MARVELD2: variants seen among roughly 807,000 people sequenced by gnomAD.
MARVELD2 encodes the protein MARVEL domain-containing protein 2.
Under a neutral mutation model 57.6 loss-of-function variants are expected in MARVELD2, and 49 were observed. The observed-to-expected ratio is 0.85, with a 90% CI of 0.68 to 1.08. MARVELD2 has a LOEUF of 1.08. Among genes scored for constraint, MARVELD2 ranks in the 50% least tolerant of loss-of-function variants. The pLI is 0.00. For synonymous variants in MARVELD2, 238 were observed against 258.8 expected (o/e 0.92, Z 0.77); for missense variants, 606 against 701.1 (o/e 0.86, Z 1.53).
Position 69,419,464 on chromosome 5 carries a change from A to C in MARVELD2, c.79A>C (p.Thr27Pro). Residue 27 changes from threonine to proline, a missense_variant, in exon 2 of 7, where the codon ACC becomes CCC. Thr to Pro is a conservative substitution (Grantham distance 38). Coordinates refer to ENST00000325631, the MANE Select transcript of MARVELD2 (RefSeq NM_001038603.3). ...AAGCGACCTGCCCTATCAAGATACC[A>C]CCATAAGAACCCACCCAACTCTTCA... ...VPSDLPYQDTTIRTHPTLHDS... is the reference protein window; with the variant it reads ...VPSDLPYQDTPIRTHPTLHDS... 1 of 1,614,160 alleles carries C rather than the reference A, an allele frequency of 6.2e-7. No homozygotes were observed. The highest frequency in any genetic ancestry group is 8.5e-7 in the Non-Finnish European group (1 of 1,180,026).
intron 5 of MARVELD2, among the ~76,000 whole-genome samples, chr5:69,436,419 A>G (rs1274902176): frequency 7.6e-6 from 1 of 131,442 alleles, no homozygotes; most frequent in Non-Finnish European, 1.6e-5. Flanking sequence ...ACACACACAC[A>G]CACACACACA....
intron 3 of MARVELD2, among the ~76,000 whole-genome samples, chr5:69,426,935 G>A (rs1766811170): frequency 6.6e-6 from 1 of 151,754 alleles, no homozygotes; most frequent in South Asian, 2.1e-4. Context: ...TGGGATTACA[G>A]GTGTGAGCCA....
At chr5:69,435,967 A>C (rs2150930066) in intron 5 of MARVELD2, among the ~76,000 whole-genome samples, 1 of 152,152 alleles carries the variant, frequency 6.6e-6, no homozygotes, top group Non-Finnish European at 1.5e-5. Flanking sequence ...AAGTCAATAC[A>C]TATTCCTTTT....
intron 2 of MARVELD2, among the ~76,000 whole-genome samples, chr5:69,421,844 GT>G (rs1766638774): frequency 6.7e-6 from 1 of 149,048 alleles, no homozygotes; most frequent in South Asian, 2.1e-4. Context: ...CCAGAGTGCA[GT>G]GGCACTGTTG....
At chr5:69,438,949 C>G (rs1561303749) in intron 5 of MARVELD2, among the ~76,000 whole-genome samples, 1 of 150,532 alleles carries the variant, frequency 6.6e-6, no homozygotes, top group African/African-American at 2.4e-5. Flanking sequence ...CCGTATAATC[C>G]CAGCTACTTG....
rs1381728810 is a variant in MARVELD2, at chr5:69,444,172, TGTG to T, written c.*2521_*2523del. ...TGCAGTAACACTGATTTGTAAATGT[TGTG>T]GTCAATCCCTAGGTGCATTAAAGTT... On this transcript the variant is annotated 3_prime_UTR_variant, in exon 7 of 7. Transcript: ENST00000325631. 3 of 152,106 alleles carry T rather than the reference TGTG, an allele frequency of 2.0e-5. No individual in the cohort carries two copies. Among genetic ancestry groups the T allele is most frequent in the Admixed American group, 2.0e-4 (3 of 15,230 alleles). The allele number at this position is 152,106 out of a possible 1,614,324, so 9.4% of individuals were successfully genotyped here.
intron 3 of MARVELD2, among the ~76,000 whole-genome samples, chr5:69,431,844 T>C (rs1766973414): frequency 1.4e-5 from 2 of 143,782 alleles, no homozygotes; most frequent in Non-Finnish European, 3.0e-5. Flanking sequence ...TTTTTTTTTT[T>C]TTTTTTTTTT....
chr5:69,416,887 G>C (rs182243290), intron 1 of MARVELD2, among the ~76,000 whole-genome samples: 5 of 152,286 alleles, frequency 3.3e-5, no homozygotes, highest in Non-Finnish European at 4.4e-5. Flanking sequence ...TAGTGATACT[G>C]TTAAAACAAG....
chr5:69,441,441 T>C, intron 6 of MARVELD2, 91 bp from the exon 7 acceptor site: 3 of 1,464,480 alleles, frequency 2.0e-6, no homozygotes, highest in Non-Finnish European at 1.9e-6. Context: ...ACTTTTGCTA[T>C]GTATGATCAT....
chr5:69,418,283 C>A (rs189034463), intron 1 of MARVELD2, among the ~76,000 whole-genome samples: 108 of 152,222 alleles, frequency 7.1e-4, no homozygotes, highest in African/African-American at 2.2e-3. Flanking sequence ...TACTTATAAA[C>A]AATTCGAGAG....
chr5:69,434,958 G>T (rs1436097733), intron 5 of MARVELD2, among the ~76,000 whole-genome samples: 1 of 150,804 alleles, frequency 6.6e-6, no homozygotes, highest in Non-Finnish European at 1.5e-5. Context: ...CTCCCAAAGT[G>T]CTGGGATTAC....
intron 3 of MARVELD2, among the ~76,000 whole-genome samples, chr5:69,432,016 A>G (rs1406392910): frequency 7.1e-6 from 1 of 141,640 alleles, no homozygotes; most frequent in Non-Finnish European, 1.5e-5. Flanking sequence ...CATCTGCCAG[A>G]TTTTTTTTTT....
intron 3 of MARVELD2, among the ~76,000 whole-genome samples, chr5:69,430,366 C>T (rs1353124737): frequency 1.3e-5 from 2 of 151,858 alleles, no homozygotes; most frequent in Non-Finnish European, 2.9e-5. Flanking sequence ...GACTCTGTCT[C>T]AAGAAAAAAT....
rs993561105 is a variant in MARVELD2 at position 69,432,596 on chromosome 5, A to G, written c.1252A>G (p.Lys418Glu). 2 of 1,614,098 alleles carry G rather than the reference A, an allele frequency of 1.2e-6. No homozygotes were observed. Among genetic ancestry groups the G allele is most frequent in the African/African-American group, 1.3e-5 (1 of 74,938 alleles). The change falls in exon 4 of 7, where the codon AAA becomes GAA. Residue 418 changes from lysine to glutamate, a missense_variant. Coordinates refer to ENST00000325631, the MANE Select transcript of MARVELD2 (RefSeq NM_001038603.3). Reference sequence around the variant, plus strand: ...TAATTTCAAGGAACTGAGAACAGCAAAAATGAAACCTGAACTACTGAGTGG... The same window carrying G: ...TAATTTCAAGGAACTGAGAACAGCAGAAATGAAACCTGAACTACTGAGTGG... ...EVNFKELRTA[K>E]MKPELLSGHI...
At chr5:69,417,669 C>T (rs1170405218) in intron 1 of MARVELD2, among the ~76,000 whole-genome samples, 3 of 151,942 alleles carry the variant, frequency 2.0e-5, no homozygotes, top group East Asian at 3.9e-4. Context: ...AGCGGCCGAG[C>T]GTGGTGGCTC....
intron 2 of MARVELD2, among the ~76,000 whole-genome samples, chr5:69,423,763 A>G (rs1380621408): frequency 6.6e-6 from 1 of 152,220 alleles, no homozygotes; most frequent in Non-Finnish European, 1.5e-5. Flanking sequence ...ATAAGCCACC[A>G]TGCCTAGCTT....
rs1189823655 is a variant in MARVELD2 at position 69,442,493 on chromosome 5, G to A, written c.*839G>A. 1 of 152,164 alleles carries A rather than the reference G, an allele frequency of 6.6e-6. No homozygotes were observed. The highest frequency in any genetic ancestry group is 1.5e-5 in the Non-Finnish European group (1 of 68,042). The allele number at this position is 152,164 out of a possible 1,614,324, so 9.4% of individuals were successfully genotyped here. ...ATAATAGTTCCTTCCTCATAGAGTT[G>A]TTAGGATTAAAGGAGTTACTAATAT... On this transcript the variant is annotated 3_prime_UTR_variant, in exon 7 of 7. Transcript: ENST00000325631.
rs201375656 is a variant in MARVELD2 at position 69,420,151 on chromosome 5, G to A, written c.766G>A (p.Val256Ile). Residue 256 changes from valine (V) to isoleucine (I), a missense_variant, in exon 2 of 7, where the codon GTA becomes ATA. Coordinates refer to ENST00000325631, the MANE Select transcript of MARVELD2 (RefSeq NM_001038603.3). ...CTACACTGGCCCTAAGACCCCTTTT[G>A]TACTCGTGGTTGCTGGATTAGCTTG... ...YYYTGPKTPF[V>I]LVVAGLAWIT... 3 of 1,614,136 alleles carry A rather than the reference G, an allele frequency of 1.9e-6. No homozygotes were observed. The highest frequency in any genetic ancestry group is 3.3e-5 in the Admixed American group (2 of 60,014).
At chr5:69,431,121 T>TC (rs1331891096) in intron 3 of MARVELD2, among the ~76,000 whole-genome samples, 5 of 150,062 alleles carry the variant, frequency 3.3e-5, no homozygotes, top group African/African-American at 4.9e-5. Context: ...TCTTTTCTTT[T>TC]TTTTTTTTTT....
Sources: allele counts gnomAD v4.1 joint callset (sites outside exome capture counted in the v4.1 genomes callset), GRCh38; gene constraint gnomAD v4.1.1; transcripts MANE v1.5; gene names NCBI Gene and HGNC (gene_info 2026-07-23, HGNC 2026-07-21).